The following SOX5 variants were observed in gnomAD, a reference collection of about 807,000 sequenced individuals.
SOX5 encodes transcription factor SOX-5.
SOX5 carries 9 observed loss-of-function variants against 92.0 expected under a neutral mutation model. The ratio of observed to expected loss-of-function variants is 0.10; its 90% CI spans 0.06 to 0.17. The LOEUF is 0.17. Ranked by LOEUF, SOX5 falls within the 10% of genes least tolerant of loss-of-function variation. SOX5 has a pLI of 1.00. For synonymous variants in SOX5, 344 were observed against 336.3 expected, an observed-to-expected ratio of 1.02 and a Z score of -0.25; for missense variants, 642 against 944.5, an observed-to-expected ratio of 0.68 and a Z score of 4.20.
At chr12:24,313,998 T>A (rs1949459540) in intron 2 of SOX5, among the ~76,000 whole-genome samples, 1 of 152,206 alleles carries the variant, frequency 6.6e-6, no homozygotes, top group Non-Finnish European at 1.5e-5. Flanking sequence ...GTCTTCATCT[T>A]GATCAAAAAA....
intron 1 of SOX5, among the ~76,000 whole-genome samples, chr12:24,448,344 C>T (rs1261531244): frequency 1.3e-5 from 2 of 152,006 alleles, no homozygotes; most frequent in South Asian, 2.1e-4. Context: ...ATTGTAGCAT[C>T]GGGTGAAAAT....
intron 4 of SOX5, among the ~76,000 whole-genome samples, chr12:24,167,896 C>T (rs1593839278): frequency 6.6e-6 from 1 of 152,122 alleles, no homozygotes; most frequent in Admixed American, 6.5e-5. Context: ...AGGGAAAGAG[C>T]CAGGGTGCAA....
intron 3 of SOX5, among the ~76,000 whole-genome samples, chr12:23,817,897 C>G (rs575379614): frequency 3.3e-5 from 5 of 152,178 alleles, no homozygotes; most frequent in African/African-American, 9.6e-5. Context: ...TATAAAATAA[C>G]TAGAATATAG....
At chr12:24,521,217 G>A (rs900861186) in intron 1 of SOX5, among the ~76,000 whole-genome samples, 2 of 152,092 alleles carry the variant, frequency 1.3e-5, no homozygotes, top group Admixed American at 6.5e-5. Context: ...ACCACACCCG[G>A]ATAATTTTTG....
At chr12:23,702,029 A>T (rs904479950) in intron 6 of SOX5, among the ~76,000 whole-genome samples, 4 of 152,060 alleles carry the variant, frequency 2.6e-5, no homozygotes, top group African/African-American at 9.7e-5. Context: ...ATGAAGAAAG[A>T]TTTACCTCAT....
At chr12:23,759,267 G>C (rs1201492267) in intron 3 of SOX5, among the ~76,000 whole-genome samples, 1 of 151,846 alleles carries the variant, frequency 6.6e-6, no homozygotes, top group Non-Finnish European at 1.5e-5. Context: ...TTGCACTCTA[G>C]GATTCTGGAT....
At chr12:23,877,651 CA>C (rs889607323) in intron 2 of SOX5, among the ~76,000 whole-genome samples, 2 of 152,086 alleles carry the variant, frequency 1.3e-5, no homozygotes, top group Non-Finnish European at 2.9e-5. Context: ...ACTGACTTCT[CA>C]AAACCTTCAA....
chr12:23,643,467 G>A (rs960166271), intron 7 of SOX5, among the ~76,000 whole-genome samples: 1 of 152,178 alleles, frequency 6.6e-6, no homozygotes, highest in Non-Finnish European at 1.5e-5. Context: ...TAGGGGAAAA[G>A]CCCTCATAGG....
intron 11 of SOX5, among the ~76,000 whole-genome samples, chr12:23,551,807 T>A (rs1247318355): frequency 6.6e-6 from 1 of 151,712 alleles, no homozygotes; most frequent in Admixed American, 6.6e-5. Context: ...CCTTTCTGAA[T>A]TCCCTCATGA....
At chr12:24,304,565 G>A (rs1434437766) in intron 2 of SOX5, among the ~76,000 whole-genome samples, 1 of 152,124 alleles carries the variant, frequency 6.6e-6, no homozygotes, top group African/African-American at 2.4e-5. Flanking sequence ...AAAAAGGAGA[G>A]GCCTCTCCAC....
rs561501773 is a variant in SOX5, at chr12:24,557,223, A to G, written c.-251+5106T>C. ...ACCAACATAGTGAAACCCCACCTCT[A>G]CTAAAAATACAAAAATTAGCTGGGT... On this transcript the variant is annotated intron_variant, in intron 1 of 4. Transcript: ENST00000446891. Among the ~76,000 whole-genome samples the G allele has an allele frequency of 7.2e-5, 11 of 152,146 alleles. No individual in the cohort carries two copies. The East Asian group carries it at 1.7e-3, about 24-fold the overall frequency.
intron 4 of SOX5, among the ~76,000 whole-genome samples, chr12:23,993,763 CCT>C (rs990016585): frequency 3.3e-5 from 5 of 152,106 alleles, no homozygotes; most frequent in Admixed American, 6.6e-5. Flanking sequence ...GTGTCTCACA[CCT>C]GTAATCCCAG....
chr12:24,045,834 A>C (rs776781138), intron 4 of SOX5, among the ~76,000 whole-genome samples: 5 of 152,158 alleles, frequency 3.3e-5, no homozygotes, highest in Non-Finnish European at 7.3e-5. Context: ...AACAATTCAA[A>C]CATGTTGTTT....
rs1169051399 is a variant in SOX5, at chr12:23,640,795, A to G, written c.1017+17T>C. The G allele has an allele frequency of 1.9e-6, 3 of 1,593,150 alleles. No individual in the cohort carries two copies. The African/African-American group carries it at 4.0e-5, about 21-fold the overall frequency. On this transcript the variant is annotated intron_variant, in intron 8 of 14. Coordinates refer to ENST00000451604, the MANE Select transcript of SOX5 (RefSeq NM_006940.6). ...TTTACTTAACCTTTGTCTCCTCTGTATTGTTTCCTGACTTACCTGCAGTTG... is the reference window on the plus strand; with the variant it reads ...TTTACTTAACCTTTGTCTCCTCTGTGTTGTTTCCTGACTTACCTGCAGTTG...
intron 5 of SOX5, among the ~76,000 whole-genome samples, chr12:23,736,423 C>T (rs1458036501): frequency 6.6e-5 from 10 of 151,998 alleles, no homozygotes; most frequent in Admixed American, 1.3e-4. Context: ...GATCGCTCCA[C>T]TGCACTCCAG....
At chr12:24,095,116 C>CAG (rs1231403739) in intron 4 of SOX5, among the ~76,000 whole-genome samples, 1 of 94,764 alleles carries the variant, frequency 1.1e-5, no homozygotes, top group Non-Finnish European at 2.3e-5. Context: ...CACACACACA[C>CAG]ACACACACAC....
intron 7 of SOX5, among the ~76,000 whole-genome samples, chr12:23,647,827 G>C (rs2138940316): frequency 6.6e-6 from 1 of 152,300 alleles, no homozygotes. Flanking sequence ...GTTGTGGCTG[G>C]TTTGATCTTC....
chr12:23,989,906 C>T (rs1217444097), intron 4 of SOX5, among the ~76,000 whole-genome samples: 2 of 152,038 alleles, frequency 1.3e-5, no homozygotes, highest in African/African-American at 2.4e-5. Context: ...TATTAAAATA[C>T]AATCAGAAGT....
At chr12:24,380,742 A>T (rs1032453877) in intron 1 of SOX5, among the ~76,000 whole-genome samples, 5 of 152,232 alleles carry the variant, frequency 3.3e-5, no homozygotes, top group African/African-American at 1.2e-4. Context: ...TATTTTTTTT[A>T]AAGGAGGGCA....
Sources: allele counts gnomAD v4.1 joint callset (sites outside exome capture counted in the v4.1 genomes callset), GRCh38; gene constraint gnomAD v4.1.1; transcripts MANE v1.5; gene names NCBI Gene and HGNC (gene_info 2026-07-23, HGNC 2026-07-21).